Variants in CEP70 observed in about 807,000 individuals in gnomAD.
CEP70 encodes the protein centrosomal protein 70.
A neutral mutation model predicts 90.9 loss-of-function variants in CEP70; 70 were observed. The observed-to-expected ratio is 0.77, with a 90% CI of 0.64 to 0.94. The LOEUF (loss-of-function observed/expected upper bound fraction) is 0.94, where lower values mean the gene tolerates loss of function less well. Among genes scored for constraint, CEP70 ranks in the 40% least tolerant of loss-of-function variants. The probability of loss-of-function intolerance (pLI) is 0.00; values close to 1 mark genes in which losing one functional copy is unlikely to be tolerated. For missense variants in CEP70, 648 were observed against 669.0 expected, an observed-to-expected ratio of 0.97 and a Z score of 0.35; for synonymous variants, 220 against 228.3, an observed-to-expected ratio of 0.96 and a Z score of 0.33.
At chr3:138,537,432 C>G in intron 6 of CEP70, 85 bp from the exon 7 acceptor site, 1 of 882,330 alleles carries the variant, frequency 1.1e-6, no homozygotes, top group Non-Finnish European at 1.6e-6. Flanking sequence ...AAGGCATCTT[C>G]ATAGTTTCTA....
intron 11 of CEP70, among the ~76,000 whole-genome samples, chr3:138,520,686 G>A (rs1212404060): frequency 6.6e-6 from 1 of 152,216 alleles, no homozygotes; most frequent in Admixed American, 6.5e-5. Flanking sequence ...TTAAAGCAGT[G>A]TGTAGAGGGA....
At chr3:138,516,394 G>A (rs756552021) in intron 11 of CEP70, among the ~76,000 whole-genome samples, 24 of 151,618 alleles carry the variant, frequency 1.6e-4, no homozygotes, top group African/African-American at 2.9e-4. Context: ...TTGGGGGGAC[G>A]GGGGGTGGAG....
chr3:138,563,056 C>T (rs1462460473), intron 6 of CEP70, among the ~76,000 whole-genome samples: 1 of 152,004 alleles, frequency 6.6e-6, no homozygotes, highest in Non-Finnish European at 1.5e-5. Context: ...GGTTGCAATC[C>T]TAGTCTCTGA....
chr3:138,573,550 A>G (rs750002778), intron 2 of CEP70, among the ~76,000 whole-genome samples: 2 of 152,238 alleles, frequency 1.3e-5, no homozygotes, highest in East Asian at 3.8e-4. Context: ...GACACAAAAT[A>G]AATCTGAGAG....
At chr3:138,560,921 G>C (rs1388759594) in intron 6 of CEP70, among the ~76,000 whole-genome samples, 1 of 152,198 alleles carries the variant, frequency 6.6e-6, no homozygotes, top group African/African-American at 2.4e-5. Context: ...GCACCTGGGG[G>C]AAGGGGCAGA....
chr3:138,497,393 CT>C (rs2034046445), intron 17 of CEP70: 1 of 1,166,084 alleles, frequency 8.6e-7, no homozygotes, highest in African/African-American at 1.7e-5. Flanking sequence ...GAATACATCA[CT>C]TTAAAACTTT....
At chr3:138,549,047 C>A (rs1335076774) in intron 6 of CEP70, among the ~76,000 whole-genome samples, 1 of 152,032 alleles carries the variant, frequency 6.6e-6, no homozygotes, top group African/African-American at 2.4e-5. Flanking sequence ...ATGGGAAAAG[C>A]CCTGTGGGCT....
At chr3:138,564,814 C>A (rs1457580861) in intron 6 of CEP70, among the ~76,000 whole-genome samples, 1 of 152,100 alleles carries the variant, frequency 6.6e-6, no homozygotes, top group Non-Finnish European at 1.5e-5. Context: ...TCTCACCACT[C>A]CTATTCAACA....
At chr3:138,548,517 G>C (rs1415848014) in intron 6 of CEP70, among the ~76,000 whole-genome samples, 1 of 152,176 alleles carries the variant, frequency 6.6e-6, no homozygotes, top group Non-Finnish European at 1.5e-5. Flanking sequence ...ACCAGATTGT[G>C]ACCCTGCTTA....
Position 138,497,880 on chromosome 3 carries a change from C to CT in CEP70, c.1732+150dup, listed in dbSNP as rs1301850612. On this transcript the variant is annotated intron_variant, in intron 17 of 17. Transcript: ENST00000264982. ...TTCTATGGACTAATCCAAACAAACT[C>CT]TAACTGCTTGTAAGGAATGTGTTTC... is the stretch of plus-strand genomic sequence containing the variant. The CT allele has an allele frequency of 1.1e-5, 17 of 1,480,690 alleles. 1 individual carries two copies. Among genetic ancestry groups the CT allele is most frequent in the Middle Eastern group, 4.4e-4 (2 of 4,582 alleles). 91.7% of individuals were successfully genotyped at this position (1,480,690 alleles called of 1,614,324 possible).
intron 8 of CEP70, among the ~76,000 whole-genome samples, chr3:138,530,154 T>C (rs1481848508): frequency 2.0e-5 from 3 of 152,252 alleles, no homozygotes; most frequent in Non-Finnish European, 2.9e-5. Flanking sequence ...ATGTCCTATA[T>C]GGTAACCAAT....
intron 2 of CEP70, 173 bp from the exon 3 acceptor site, chr3:138,573,105 A>G: frequency 1.7e-6 from 1 of 590,424 alleles, no homozygotes. Context: ...CTTCTTAGAT[A>G]GCTGATTGTA....
At chr3:138,553,262 G>A (rs953451722) in intron 6 of CEP70, among the ~76,000 whole-genome samples, 13 of 151,936 alleles carry the variant, frequency 8.6e-5, no homozygotes, top group Non-Finnish European at 1.3e-4. Flanking sequence ...GGTGGATCAC[G>A]AGGTCAGGAG....
At chr3:138,496,824 AATGATCTTT>A (rs1389565481) in intron 17 of CEP70, 2 of 985,336 alleles carry the variant, frequency 2.0e-6, no homozygotes, top group African/African-American at 3.5e-5. Context: ...TTCTGAAGCA[AATGATCTTT>A]ATGAACCATG....
intron 11 of CEP70, among the ~76,000 whole-genome samples, chr3:138,518,395 C>A (rs955678744): frequency 2.2e-4 from 33 of 152,202 alleles, no homozygotes; most frequent in Admixed American, 1.9e-3. Flanking sequence ...TCAAGTGGGT[C>A]CCTGACCCCC....
At chr3:138,518,379 GCCT>G (rs1324602760) in intron 11 of CEP70, among the ~76,000 whole-genome samples, 1 of 152,200 alleles carries the variant, frequency 6.6e-6, no homozygotes, top group Non-Finnish European at 1.5e-5. Flanking sequence ...CTGGCAGACT[GCCT>G]CCTCAAGTGG....
chr3:138,572,787 T>A (rs2041264982), intron 3 of CEP70, 72 bp downstream of exon 3: 1 of 978,486 alleles, frequency 1.0e-6, no homozygotes, highest in African/African-American at 1.6e-5. Flanking sequence ...AAGTCAAATT[T>A]TCCTGTTTGT....
intron 6 of CEP70, among the ~76,000 whole-genome samples, chr3:138,539,032 T>C (rs764144390): frequency 3.9e-5 from 6 of 152,230 alleles, no homozygotes; most frequent in Non-Finnish European, 7.3e-5. Context: ...TTTGTTTGTT[T>C]GAGACAGAGT....
intron 2 of CEP70, among the ~76,000 whole-genome samples, chr3:138,590,351 G>C (rs2042318985): frequency 6.6e-6 from 1 of 152,070 alleles, no homozygotes; most frequent in Non-Finnish European, 1.5e-5. Flanking sequence ...ACTGGAAGTA[G>C]AATACATTAG....
Sources: allele counts gnomAD v4.1 joint callset (sites outside exome capture counted in the v4.1 genomes callset), GRCh38; gene constraint gnomAD v4.1.1; transcripts MANE v1.5; gene names NCBI Gene and HGNC (gene_info 2026-07-23, HGNC 2026-07-21).